FUT8: variants seen among roughly 807,000 people sequenced by gnomAD.
FUT8 encodes the protein alpha-(1,6)-fucosyltransferase.
A neutral mutation model predicts 71.3 loss-of-function variants in FUT8; 29 were observed. The observed-to-expected ratio is 0.41, with a 90% CI of 0.30 to 0.55. FUT8 has a LOEUF of 0.55. FUT8 is among the 20% of genes least tolerant of loss of function. The pLI, the probability that FUT8 is intolerant of heterozygous loss-of-function variation, is 0.34. For missense variants in FUT8, 544 were observed against 702.1 expected, an observed-to-expected ratio of 0.77 and a Z score of 2.55; for synonymous variants, 254 against 239.3, an observed-to-expected ratio of 1.06 and a Z score of -0.57.
chr14:65,654,605 C>T (rs922884730), intron 6 of FUT8, among the ~76,000 whole-genome samples: 1 of 150,140 alleles, frequency 6.7e-6, no homozygotes, highest in African/African-American at 2.4e-5. Flanking sequence ...AAAAAAAAAG[C>T]TCTATAAAAA....
intron 2 of FUT8, among the ~76,000 whole-genome samples, chr14:65,463,018 A>G (rs1160703837): frequency 2.0e-5 from 3 of 152,198 alleles, no homozygotes; most frequent in Non-Finnish European, 4.4e-5. Flanking sequence ...CATAGTGGAT[A>G]TTTGGGCAAT....
At chr14:65,662,572 C>A (rs1303930469) in intron 6 of FUT8, among the ~76,000 whole-genome samples, 2 of 152,166 alleles carry the variant, frequency 1.3e-5, no homozygotes, top group Non-Finnish European at 2.9e-5. Context: ...TACCTTGCAA[C>A]ACTAATACTC....
At chr14:65,549,890 T>C (rs551402862) in intron 2 of FUT8, among the ~76,000 whole-genome samples, 2 of 152,184 alleles carry the variant, frequency 1.3e-5, no homozygotes, top group East Asian at 1.9e-4. Context: ...TGAAAACCTG[T>C]CTCTACTAAA....
At chr14:65,612,905 A>G (rs1470056223) in intron 3 of FUT8, among the ~76,000 whole-genome samples, 1 of 152,186 alleles carries the variant, frequency 6.6e-6, no homozygotes, top group Non-Finnish European at 1.5e-5. Flanking sequence ...GGCATGGTGA[A>G]TGTAAGAAAG....
the FUT8 span, among the ~76,000 whole-genome samples, chr14:65,384,173 G>A: frequency 2.0e-5 from 3 of 152,136 alleles, no homozygotes; most frequent in Admixed American, 2.0e-4. The surrounding 1 kb of genome is among the most constrained non-coding windows in gnomAD (Gnocchi z 4.2). Context: ...GTGAGAGGTG[G>A]GGAATAGATG....
chr14:65,663,852 C>T (rs1316991458), intron 6 of FUT8, among the ~76,000 whole-genome samples: 4 of 152,102 alleles, frequency 2.6e-5, no homozygotes, highest in Non-Finnish European at 5.9e-5. Context: ...GTTCTCAACA[C>T]AGTGAATATA....
chr14:65,399,775 C>G, the FUT8 span, among the ~76,000 whole-genome samples: 17 of 152,158 alleles, frequency 1.1e-4, no homozygotes, highest in Non-Finnish European at 2.2e-4. Context: ...GGGACATAAG[C>G]TTGTATAAGG....
At chr14:65,389,375 A>AT in the FUT8 span, among the ~76,000 whole-genome samples, 375 of 112,506 alleles carry the variant, frequency 3.3e-3, no homozygotes, top group Non-Finnish European at 5.8e-3. Context: ...ACACCCTGAT[A>AT]TTTTTTTTTT....
At chr14:65,374,835 C>T in the FUT8 span, among the ~76,000 whole-genome samples, 6,761 of 151,692 alleles carry the variant, frequency 0.045, 276 homozygotes, top group South Asian at 0.17. Context: ...CTCCTGACCT[C>T]GTGATCCACT....
the FUT8 span, among the ~76,000 whole-genome samples, chr14:65,382,424 C>T: frequency 6.6e-6 from 1 of 152,160 alleles, no homozygotes; most frequent in Non-Finnish European, 1.5e-5. Context: ...GAAACCTTCG[C>T]CTCCCGAGTT....
intron 9 of FUT8, among the ~76,000 whole-genome samples, chr14:65,726,641 G>A (rs139530366): frequency 1.3e-4 from 20 of 152,186 alleles, no homozygotes; most frequent in Middle Eastern, 3.4e-3. Flanking sequence ...ATGAGATTTG[G>A]GTGGAGACAC....
chr14:65,379,978 G>A, the FUT8 span, among the ~76,000 whole-genome samples: 14 of 152,302 alleles, frequency 9.2e-5, no homozygotes, highest in African/African-American at 2.4e-4. Context: ...CTCTGCCCTC[G>A]TGACTGAATC....
chr14:65,456,675 C>T (rs1229319598), intron 2 of FUT8, among the ~76,000 whole-genome samples: 1 of 151,836 alleles, frequency 6.6e-6, no homozygotes, highest in African/African-American at 2.4e-5. Flanking sequence ...GAGATCAAGA[C>T]CATCCTGGCC....
rs1192957020 is a variant in FUT8 at position 65,696,694 on chromosome 14, C to A, written c.836-25081C>A. Among the ~76,000 whole-genome samples the A allele has an allele frequency of 3.3e-5, 5 of 151,828 alleles. No individual in the cohort carries two copies. The East Asian group carries it at 9.6e-4, about 29-fold the overall frequency. ...TTTTCTTTCTTCTCCTCTGGTACTC[C>A]CATTACATGTATGTCCACCTTTTGT... On this transcript the variant is annotated intron_variant, in intron 7 of 10. Coordinates refer to ENST00000673929, the MANE Select transcript of FUT8 (RefSeq NM_001371533.1).
chr14:65,562,616 T>C (rs1885975419), intron 3 of FUT8, among the ~76,000 whole-genome samples: 1 of 152,136 alleles, frequency 6.6e-6, no homozygotes, highest in Non-Finnish European at 1.5e-5. Context: ...CATGTAGTAC[T>C]CACTCTCTCA....
At chr14:65,466,921 C>A (rs1310749885) in intron 2 of FUT8, among the ~76,000 whole-genome samples, 2 of 152,086 alleles carry the variant, frequency 1.3e-5, no homozygotes, top group Admixed American at 1.3e-4. Flanking sequence ...TTCCTTATAA[C>A]ATTACTTTTA....
the FUT8 span, among the ~76,000 whole-genome samples, chr14:65,401,949 A>C: frequency 6.6e-6 from 1 of 151,464 alleles, no homozygotes; most frequent in Non-Finnish European, 1.5e-5. Flanking sequence ...GAAGAGCAGG[A>C]AAAGGAATGC....
At chr14:65,571,529 A>C (rs1448291049) in intron 3 of FUT8, among the ~76,000 whole-genome samples, 1 of 152,116 alleles carries the variant, frequency 6.6e-6, no homozygotes, top group African/African-American at 2.4e-5. Flanking sequence ...TGGTAGGAAA[A>C]TTCATTTTTC....
intron 6 of FUT8, among the ~76,000 whole-genome samples, chr14:65,663,683 T>C (rs1892077891): frequency 6.6e-6 from 1 of 152,136 alleles, no homozygotes; most frequent in Admixed American, 6.5e-5. Context: ...TTTTCCCTCT[T>C]TCTTTATGTC....
Sources: allele counts gnomAD v4.1 joint callset (sites outside exome capture counted in the v4.1 genomes callset), GRCh38; gene constraint gnomAD v4.1.1; non-coding constraint Gnocchi (gnomAD v3.1); transcripts MANE v1.5; gene names NCBI Gene and HGNC (gene_info 2026-07-23, HGNC 2026-07-21).